Variants in EP300 observed in about 807,000 individuals in gnomAD.
The protein encoded by EP300 is EP300 lysine acetyltransferase, also known as histone acetyltransferase p300.
A neutral mutation model predicts 264.0 loss-of-function variants in EP300; 31 were observed. The observed-to-expected ratio is 0.12, with a 90% CI of 0.09 to 0.16. EP300 has a LOEUF of 0.16. Ranked by LOEUF, EP300 falls within the 10% of genes least tolerant of loss-of-function variation. The pLI is 1.00. For missense variants in EP300, 2,766 were observed against 3,052.9 expected (o/e 0.91, Z 2.21); for synonymous variants, 1,340 against 1,045.4 (o/e 1.28, Z -5.44).
chr22:41,154,898 G>A lies in EP300; in HGVS notation c.3143-97G>A, dbSNP rs2059068001. On this transcript the variant is annotated intron_variant, in intron 16 of 30. Transcript: ENST00000263253. The stretch of plus-strand genomic sequence containing the variant: ...GGACAGAGTGGTTAATTTTGTTATT[G>A]ATTCTTGAGATGCTTTTAGAGCTTC... 1.6e-5 allele frequency: 13 copies of A among 809,414 alleles called. No individual in the cohort carries two copies. The South Asian group carries it at 1.8e-4, about 11-fold the overall frequency. The allele number at this position is 809,414 out of a possible 1,614,324, so 50.1% of individuals were successfully genotyped here. A position where few individuals can be genotyped will look rare whatever the true frequency, so the allele number is the denominator to read the frequency against.
In EP300 at chr22:41,173,725, CCCA is replaced by C; in HGVS notation, c.4721_4723del (p.Pro1574_Asn1575delinsHis). ...GGGCAACAAGAAGAAACCCGGGATG[CCCA>C]ATGTATCTAACGACCTCTCACAGAA... On this transcript the variant is annotated inframe_deletion, in exon 29 of 31. Coordinates refer to ENST00000263253, the MANE Select transcript of EP300 (RefSeq NM_001429.4). The C allele has an allele frequency of 6.2e-7, 1 of 1,614,150 alleles. No individual in the cohort carries two copies. Among genetic ancestry groups the C allele is most frequent in the Non-Finnish European group, 8.5e-7 (1 of 1,180,034 alleles).
At chr22:41,107,786 T>A (rs980471997) in intron 1 of EP300, among the ~76,000 whole-genome samples, 2 of 152,148 alleles carry the variant, frequency 1.3e-5, no homozygotes, top group African/African-American at 4.8e-5. Flanking sequence ...CTGCAACCTC[T>A]GCCTCCTGGG....
At chr22:41,101,713 C>T (rs1350014030) in intron 1 of EP300, among the ~76,000 whole-genome samples, 1 of 152,032 alleles carries the variant, frequency 6.6e-6, no homozygotes, top group Admixed American at 6.6e-5. Flanking sequence ...GCCCAGCCAC[C>T]TGGGTCTTAA....
chr22:41,140,312 T>C (rs2058974571), intron 9 of EP300, 55 bp downstream of exon 9: 6 of 1,170,220 alleles, frequency 5.1e-6, no homozygotes, highest in African/African-American at 3.0e-5. Flanking sequence ...TTGTGGTTAT[T>C]TTATTCCTCT....
intron 1 of EP300, among the ~76,000 whole-genome samples, chr22:41,098,406 C>G (rs886279544): frequency 1.3e-5 from 2 of 152,192 alleles, no homozygotes; most frequent in Non-Finnish European, 2.9e-5. Context: ...GAGTCTCGCT[C>G]TGTCGCCCAG....
At chr22:41,167,562 G>T (rs1457720009) in intron 23 of EP300, among the ~76,000 whole-genome samples, 4 of 28,918 alleles carry the variant, frequency 1.4e-4, no homozygotes, top group African/African-American at 2.7e-4. Flanking sequence ...TTATATATTT[G>T]TGTGTGTGTG....
chr22:41,115,003 T>G (rs1021380629), intron 1 of EP300, among the ~76,000 whole-genome samples: 2 of 152,144 alleles, frequency 1.3e-5, no homozygotes, highest in African/African-American at 4.8e-5. Flanking sequence ...GGTCTCACAG[T>G]GCCCAGACTT....
chr22:41,114,604 C>A (rs2058811387), intron 1 of EP300, among the ~76,000 whole-genome samples: 1 of 152,158 alleles, frequency 6.6e-6, no homozygotes, highest in African/African-American at 2.4e-5. Context: ...TCATATATGA[C>A]CACATGTTGG....
chr22:41,160,441 C>G, intron 19 of EP300: 1 of 387,838 alleles, frequency 2.6e-6, no homozygotes, highest in Admixed American at 4.4e-5. Context: ...CAAAAAAAAA[C>G]AAAAAAACAA....
At chr22:41,100,865 C>T (rs1000957439) in intron 1 of EP300, among the ~76,000 whole-genome samples, 1 of 151,928 alleles carries the variant, frequency 6.6e-6, no homozygotes. Flanking sequence ...ATCATGACAT[C>T]TTGTATCATG....
In EP300 at chr22:41,092,810, T is replaced by TA. The variant is rs1166946081; in HGVS notation, c.-194dup. ...AGGCCCGGCCCCTCGCACTTGCCCT[T>TA]ACCTTTTCTATCGAGTCCGCATCCC... On this transcript the variant is annotated 5_prime_UTR_variant, in exon 1 of 31. Transcript: ENST00000263253. 2.9e-6 allele frequency: 2 copies of TA among 680,242 alleles called. No individual in the cohort carries two copies. The highest frequency in any genetic ancestry group is 3.6e-5 in the African/African-American group (2 of 55,502). The allele number at this position is 680,242 out of a possible 1,614,324, so 42.1% of individuals were successfully genotyped here. A position where few individuals can be genotyped will look rare whatever the true frequency, so the allele number is the denominator to read the frequency against.
At chr22:41,112,334 C>T (rs975223592) in intron 1 of EP300, among the ~76,000 whole-genome samples, 8 of 152,044 alleles carry the variant, frequency 5.3e-5, no homozygotes, top group African/African-American at 9.7e-5. Context: ...GGACTACAGG[C>T]GCCTGCCACC....
rs1047471859 is a variant in EP300, at chr22:41,168,248, A to C, written c.3875-201A>C. On this transcript the variant is annotated intron_variant, in intron 23 of 30. Transcript: ENST00000263253. ...TAATAGCACATGTATTAAAATTAGA[A>C]TGATATGAAGATTAGCATGTTCCCT... The C allele has an allele frequency of 1.2e-5, 7 of 597,044 alleles. No homozygotes were observed. The African/African-American group carries it at 1.3e-4, about 11-fold the overall frequency. The allele number at this position is 597,044 out of a possible 1,614,324, so 37.0% of individuals were successfully genotyped here.
intron 23 of EP300, among the ~76,000 whole-genome samples, chr22:41,167,584 GTATATATATATATATATATATATATA>G (rs56131556): frequency 0.018 from 610 of 34,496 alleles, 15 homozygotes; most frequent in Admixed American, 0.024. Flanking sequence ...GTGTGTGTGT[GTATATATATATATATATATATATATA>G]TATATATATA....
chr22:41,127,767 T>TC lies in EP300; in HGVS notation c.1168+19_1168+20insC. ...TGCCAAGGTAAGTGGACCCACAGGG[T>TC]TACTGTACTTAGCAATTTTTACAGC... On this transcript the variant is annotated intron_variant, in intron 4 of 30. Coordinates refer to ENST00000263253, the MANE Select transcript of EP300 (RefSeq NM_001429.4). 1 of 1,613,856 alleles carries TC rather than the reference T, an allele frequency of 6.2e-7. No individual in the cohort carries two copies. The highest frequency in any genetic ancestry group is 1.1e-5 in the South Asian group (1 of 91,042).
At chr22:41,125,451 C>T (rs1243152389) in intron 2 of EP300, among the ~76,000 whole-genome samples, 1 of 151,484 alleles carries the variant, frequency 6.6e-6, no homozygotes, top group Non-Finnish European at 1.5e-5. Flanking sequence ...ATTTTGGTAC[C>T]GATGGGTTTT....
chr22:41,103,040 G>A (rs113293360), intron 1 of EP300, among the ~76,000 whole-genome samples: 2,225 of 152,142 alleles, frequency 0.015, 33 homozygotes, highest in Middle Eastern at 0.027. Context: ...AGTAGAGATG[G>A]GGTTTCACCA....
At chr22:41,121,106 T>G (rs896095620) in intron 2 of EP300, among the ~76,000 whole-genome samples, 3 of 152,206 alleles carry the variant, frequency 2.0e-5, no homozygotes, top group African/African-American at 7.2e-5. Context: ...AAGTTCGAGA[T>G]GTGCCTGGGC....
chr22:41,162,969 T>G (rs1299690102), intron 21 of EP300, among the ~76,000 whole-genome samples, 190 bp downstream of exon 21: 1 of 152,218 alleles, frequency 6.6e-6, no homozygotes, highest in Non-Finnish European at 1.5e-5. Context: ...AATGTTAATT[T>G]TAATGTTCTT....
Sources: allele counts gnomAD v4.1 joint callset (sites outside exome capture counted in the v4.1 genomes callset), GRCh38; gene constraint gnomAD v4.1.1; transcripts MANE v1.5; gene names NCBI Gene and HGNC (gene_info 2026-07-23, HGNC 2026-07-21).